Variants in SUZ12 observed in about 807,000 individuals in gnomAD.
SUZ12 encodes the protein SUZ12 polycomb repressive complex 2 subunit, also known as polycomb protein SUZ12.
SUZ12 carries 17 observed loss-of-function variants against 87.3 expected under a neutral mutation model. The observed-to-expected ratio is 0.19, with a 90% CI of 0.13 to 0.29. The LOEUF (loss-of-function observed/expected upper bound fraction) is 0.29. Among genes scored for constraint, SUZ12 ranks in the 10% least tolerant of loss-of-function variants. The probability of loss-of-function intolerance (pLI) is 1.00; values close to 1 mark genes in which losing one functional copy is unlikely to be tolerated. For synonymous variants in SUZ12, 253 were observed against 312.4 expected (o/e 0.81, Z 2.01); for missense variants, 526 against 912.2 (o/e 0.58, Z 5.45).
At chr17:31,938,452 A>G (rs1278526352) in intron 1 of SUZ12, among the ~76,000 whole-genome samples, 1 of 152,212 alleles carries the variant, frequency 6.6e-6, no homozygotes, top group Non-Finnish European at 1.5e-5. Flanking sequence ...AGGGCATGGT[A>G]TCAGCTGTGC....
chr17:31,954,683 C>G (rs948479795), intron 4 of SUZ12, among the ~76,000 whole-genome samples: 3 of 152,070 alleles, frequency 2.0e-5, no homozygotes, highest in Non-Finnish European at 4.4e-5. Flanking sequence ...AACCAGCTTT[C>G]ATTTGAGGTG....
At chr17:31,978,454 C>T (rs1379624585) in intron 8 of SUZ12, among the ~76,000 whole-genome samples, 2 of 152,168 alleles carry the variant, frequency 1.3e-5, no homozygotes, top group African/African-American at 4.8e-5. Flanking sequence ...CATCATCCAC[C>T]TGCCTCAGCC....
chr17:31,978,502 C>T (rs1038866078), intron 8 of SUZ12, among the ~76,000 whole-genome samples: 8 of 152,164 alleles, frequency 5.3e-5, no homozygotes, highest in African/African-American at 9.6e-5. Flanking sequence ...CCACCGTGCC[C>T]GGCCAGTGTC....
chr17:31,973,019 ATGAG>A (rs1459365965), intron 5 of SUZ12, 123 bp from the exon 6 acceptor site: 7 of 737,858 alleles, frequency 9.5e-6, no homozygotes, highest in South Asian at 9.1e-5. Context: ...GGAAAAAAGA[ATGAG>A]TGAACTTTTG....
chr17:31,942,155 G>A (rs577981037), intron 3 of SUZ12, among the ~76,000 whole-genome samples: 5 of 152,132 alleles, frequency 3.3e-5, no homozygotes, highest in South Asian at 4.1e-4. Context: ...CCCGGCCTCC[G>A]CTGGTTATTT....
chr17:31,980,175 T>A lies in SUZ12; in HGVS notation c.918-2824T>A, dbSNP rs189900615. Among the ~76,000 whole-genome samples the A allele has an allele frequency of 7.1e-3, 1,020 of 142,706 alleles. 8 individuals carry two copies. The highest frequency in any genetic ancestry group is 8.6e-3 in the Non-Finnish European group (580 of 67,756). The allele number at this position is 142,706 out of a possible 152,430, so 93.6% of individuals were successfully genotyped here. ...CTCGTTCCTAAAAAGAAAAAAAAAA[T>A]TTTTTTAAAGTTACATGTAAATTTA... is the stretch of plus-strand genomic sequence containing the variant. On this transcript the variant is annotated intron_variant, in intron 8 of 15. Coordinates refer to ENST00000322652, the MANE Select transcript of SUZ12 (RefSeq NM_015355.4).
rs901472314 is a variant in SUZ12 at position 32,000,599 on chromosome 17, C to T, written c.*1596C>T. 8.8e-6 allele frequency: 2 copies of T among 227,110 alleles called. No homozygotes were observed. Among genetic ancestry groups the T allele is most frequent in the African/African-American group, 4.6e-5 (2 of 43,600 alleles). The allele number at this position is 227,110 out of a possible 1,614,324, so 14.1% of individuals were successfully genotyped here. On this transcript the variant is annotated 3_prime_UTR_variant, in exon 16 of 16. Coordinates refer to ENST00000322652, the MANE Select transcript of SUZ12 (RefSeq NM_015355.4). ...GATAGTAGATCTCGAGCGTTTATCT[C>T]GGGCTTTAATTTGCTAAAGCTGTGC...
chr17:31,961,891 T>C lies in SUZ12; in HGVS notation c.456-4256T>C, dbSNP rs543323659. Among the ~76,000 whole-genome samples, 3 of 152,358 alleles carry C rather than the reference T, an allele frequency of 2.0e-5. 1 individual carries two copies. The highest frequency in any genetic ancestry group is 7.2e-5 in the African/African-American group (3 of 41,588). ...AGTACTGCAGTGTAATGGGCCATCA[T>C]TCCTGACCTTTAAATTTGTATTACT... is the stretch of plus-strand genomic sequence containing the variant. On this transcript the variant is annotated intron_variant, in intron 4 of 15. Coordinates refer to ENST00000322652, the MANE Select transcript of SUZ12 (RefSeq NM_015355.4).
At position 31,957,711 on chromosome 17, in the gene SUZ12, A is replaced by G. The variant is rs192050978; in HGVS notation, c.456-8436A>G. 4.3e-4 allele frequency among the ~76,000 whole-genome samples: 65 copies of G among 150,816 alleles called. 1 individual carries two copies. The highest frequency in any genetic ancestry group is 7.5e-4 in the Non-Finnish European group (51 of 67,642). ...TAGCCGTAAGCCACTGCCCCCAGCCAGTTTTTGTATTTTTAGCAGAGATGG... is the reference window on the plus strand; with the variant it reads ...TAGCCGTAAGCCACTGCCCCCAGCCGGTTTTTGTATTTTTAGCAGAGATGG... On this transcript the variant is annotated intron_variant, in intron 4 of 15. Transcript: ENST00000322652.
chr17:31,959,266 A>G (rs1213371766), intron 4 of SUZ12, among the ~76,000 whole-genome samples: 2 of 152,198 alleles, frequency 1.3e-5, no homozygotes, highest in African/African-American at 2.4e-5. Context: ...CCACTTAAGC[A>G]TATCTGATTC....
In SUZ12 at chr17:31,941,710, C is replaced by T. The variant is rs149957263; in HGVS notation, c.386+1224C>T. Among the ~76,000 whole-genome samples the T allele has an allele frequency of 9.0e-3, 1,366 of 151,754 alleles. 14 individuals are homozygous for T. The highest frequency in any genetic ancestry group is 0.032 in the African/African-American group (1,307 of 41,372). On this transcript the variant is annotated intron_variant, in intron 3 of 15. Coordinates refer to ENST00000322652, the MANE Select transcript of SUZ12 (RefSeq NM_015355.4). ...GACTATAGGCGCGTGCCACCATGCT[C>T]GGCTAATTTTTTGTATTTTTGGTAG...
intron 9 of SUZ12, among the ~76,000 whole-genome samples, chr17:31,985,758 G>A (rs1018729190): frequency 6.6e-6 from 1 of 151,840 alleles, no homozygotes; most frequent in Non-Finnish European, 1.5e-5. Context: ...CGCCTCCCGG[G>A]TTCAAGCGAT....
chr17:31,977,046 G>GAGTAGA, intron 8 of SUZ12, among the ~76,000 whole-genome samples: 1 of 152,190 alleles, frequency 6.6e-6, no homozygotes. Context: ...TCTGGGAGGA[G>GAGTAGA]GTAGTATTTG....
At chr17:31,979,659 A>G (rs28825228) in intron 8 of SUZ12, among the ~76,000 whole-genome samples, 7,095 of 152,252 alleles carry the variant, frequency 0.047, 527 homozygotes, top group African/African-American at 0.16. Flanking sequence ...TTCTTTACGT[A>G]CTACATCACA....
intron 14 of SUZ12, among the ~76,000 whole-genome samples, chr17:31,996,464 C>G (rs1328592724): frequency 6.6e-6 from 1 of 151,972 alleles, no homozygotes; most frequent in African/African-American, 2.4e-5. Flanking sequence ...AAAGAAAATA[C>G]AAGAGTTAGC....
intron 10 of SUZ12, among the ~76,000 whole-genome samples, chr17:31,990,424 C>T (rs527748532): frequency 1.3e-5 from 2 of 150,986 alleles, no homozygotes; most frequent in South Asian, 2.1e-4. Context: ...AGTGCGGTGA[C>T]GTGATCTCGG....
At chr17:31,959,349 T>C (rs1907560976) in intron 4 of SUZ12, among the ~76,000 whole-genome samples, 1 of 152,218 alleles carries the variant, frequency 6.6e-6, no homozygotes, top group South Asian at 2.1e-4. Context: ...TAGTAATTCC[T>C]TTGTTTGCTT....
chr17:31,953,696 G>A (rs1039592892), intron 4 of SUZ12, among the ~76,000 whole-genome samples: 1 of 149,144 alleles, frequency 6.7e-6, no homozygotes, highest in Non-Finnish European at 1.5e-5. Flanking sequence ...GAATGAGCCC[G>A]CATGCCCAGC....
Position 31,947,762 on chromosome 17 carries a change from G to A in SUZ12, c.455+77G>A. On this transcript the variant is annotated intron_variant, in intron 4 of 15. Coordinates refer to ENST00000322652, the MANE Select transcript of SUZ12 (RefSeq NM_015355.4). ...AAATTACAGTGATCATTTTCCTAGT[G>A]ATCACCTTGATATAAGGAGTTAGAA... The A allele has an allele frequency of 2.1e-6, 3 of 1,407,026 alleles. No homozygotes were observed. In the South Asian group the frequency reaches 4.2e-5, roughly 20 times the overall value. The allele number at this position is 1,407,026 out of a possible 1,614,324, so 87.2% of individuals were successfully genotyped here.
Sources: allele counts gnomAD v4.1 joint callset (sites outside exome capture counted in the v4.1 genomes callset), GRCh38; gene constraint gnomAD v4.1.1; transcripts MANE v1.5; gene names NCBI Gene and HGNC (gene_info 2026-07-23, HGNC 2026-07-21).